Variants in CREB3L3 observed in about 807,000 individuals in gnomAD.
CREB3L3 encodes the protein cyclic AMP-responsive element-binding protein 3-like protein 3.
Under a neutral mutation model 44.6 loss-of-function variants are expected in CREB3L3, and 40 were observed. That is an observed-to-expected ratio of 0.90 (90% CI 0.70 to 1.17). The LOEUF (loss-of-function observed/expected upper bound fraction) is 1.17, where lower values mean the gene tolerates loss of function less well. CREB3L3 is among the 50% of genes most tolerant of loss of function. The pLI is 0.00. For missense variants in CREB3L3, 578 were observed against 595.8 expected (o/e 0.97, Z 0.31); for synonymous variants, 273 against 256.3 (o/e 1.06, Z -0.62).
chr19:4,169,279 C>A (rs1381033524), intron 6 of CREB3L3, among the ~76,000 whole-genome samples: 3 of 151,720 alleles, frequency 2.0e-5, no homozygotes, highest in African/African-American at 7.3e-5. Flanking sequence ...ATCACGAGTT[C>A]AGGAGATCGA....
chr19:4,170,037 T>C (rs1376584748), intron 6 of CREB3L3, 103 bp from the exon 7 acceptor site: 2 of 1,116,014 alleles, frequency 1.8e-6, no homozygotes, highest in Non-Finnish European at 2.7e-6. Context: ...CTCTCTGGCC[T>C]TGGGTTCTCT....
rs1967080448 is a variant in CREB3L3, at chr19:4,172,589, A to G, written c.*620A>G. ...GAAACAGACCTAGACAGACAGACAC[A>G]GATTGAAACAGACCCAGACAAACAG... is the stretch of plus-strand genomic sequence containing the variant. On this transcript the variant is annotated 3_prime_UTR_variant, in exon 10 of 10. Coordinates refer to ENST00000078445, the MANE Select transcript of CREB3L3 (RefSeq NM_032607.3). 1 of 244,702 alleles carries G rather than the reference A, an allele frequency of 4.1e-6. No homozygotes were observed. Among genetic ancestry groups the G allele is most frequent in the Non-Finnish European group, 8.0e-6 (1 of 124,518 alleles). The allele number at this position is 244,702 out of a possible 1,614,324, so 15.2% of individuals were successfully genotyped here. A position where few individuals can be genotyped will look rare whatever the true frequency, so the allele number is the denominator to read the frequency against.
intron 1 of CREB3L3, 80 bp downstream of exon 1, chr19:4,153,854 C>T: frequency 6.9e-7 from 1 of 1,446,620 alleles, no homozygotes; most frequent in South Asian, 1.2e-5. Context: ...TGGAAGGACC[C>T]CATCTCCACC....
chr19:4,161,540 T>C (rs2041662865), intron 4 of CREB3L3, among the ~76,000 whole-genome samples: 1 of 152,148 alleles, frequency 6.6e-6, no homozygotes, highest in South Asian at 2.1e-4. Context: ...ATGGTGCCCA[T>C]TGCACACCAA....
At chr19:4,157,849 C>G (rs1383149028) in intron 3 of CREB3L3, among the ~76,000 whole-genome samples, 2 of 151,910 alleles carry the variant, frequency 1.3e-5, no homozygotes, top group East Asian at 3.9e-4. Context: ...CCATGCCCAG[C>G]TAATATTTAT....
At chr19:4,153,894 C>A in intron 1 of CREB3L3, 120 bp downstream of exon 1, 1 of 1,195,760 alleles carries the variant, frequency 8.4e-7, no homozygotes, top group Non-Finnish European at 1.2e-6. Context: ...GACTGAGGCC[C>A]AGAGAAAGGA....
chr19:4,162,444 T>A (rs926096857), intron 4 of CREB3L3, among the ~76,000 whole-genome samples: 2 of 146,758 alleles, frequency 1.4e-5, no homozygotes, highest in African/African-American at 5.0e-5. Context: ...CAAAAAAAAA[T>A]GATGCATTTA....
intron 5 of CREB3L3, 31 bp downstream of exon 5, chr19:4,164,671 C>A (rs369538607): frequency 2.5e-6 from 4 of 1,613,106 alleles, no homozygotes; most frequent in African/African-American, 2.7e-5. Flanking sequence ...AGCCCTGGAT[C>A]CATCTCCCCT....
intron 2 of CREB3L3, among the ~76,000 whole-genome samples, chr19:4,156,095 C>A (rs148799754): frequency 1.7e-4 from 3 of 17,984 alleles, no homozygotes; most frequent in Non-Finnish European, 2.9e-4. Context: ...CTCTCTCTCT[C>A]TCTCTCTCTC....
chr19:4,162,673 C>T (rs529493594), intron 4 of CREB3L3, among the ~76,000 whole-genome samples: 1 of 151,566 alleles, frequency 6.6e-6, no homozygotes, highest in Non-Finnish European at 1.5e-5. Context: ...GACACAGTGA[C>T]ATCTTGCATC....
At chr19:4,167,460 A>G (rs1966937802) in intron 5 of CREB3L3, among the ~76,000 whole-genome samples, 1 of 142,176 alleles carries the variant, frequency 7.0e-6, no homozygotes, top group Non-Finnish European at 1.5e-5. Context: ...GAAGAAAAGA[A>G]GGAAAGAAAG....
chr19:4,167,482 AAGAAAGAGAGAAAGAGAAAG>A (rs1416411065), intron 5 of CREB3L3, among the ~76,000 whole-genome samples: 1 of 139,148 alleles, frequency 7.2e-6, no homozygotes, highest in African/African-American at 2.6e-5. Context: ...AAGAAAAGGA[AAGAAAGAGAGAAAGAGAAAG>A]AGAAAGAGAG....
rs1490622519 is a variant in CREB3L3 at position 4,171,881 on chromosome 19, G to A, written c.1298G>A (p.Gly433Asp). 6.2e-7 allele frequency: 1 copy of A among 1,613,030 alleles called. No individual in the cohort carries two copies. Among genetic ancestry groups the A allele is most frequent in the African/African-American group, 1.3e-5 (1 of 74,936 alleles). ...CTGAGGAATGCAACAGAGGGGCTGGGCCAGGTCGCCCTGCTGGACTGGGTG... is the reference window on the plus strand; with the variant it reads ...CTGAGGAATGCAACAGAGGGGCTGGACCAGGTCGCCCTGCTGGACTGGGTG... Reference protein sequence around the residue: ...LVLRNATEGLGQVALLDWVAP... With the variant: ...LVLRNATEGLDQVALLDWVAP... Residue 433 changes from glycine to aspartate, a missense_variant, in exon 10 of 10, where the codon GGC (glycine) becomes GAC (aspartate). Coordinates refer to ENST00000078445, the MANE Select transcript of CREB3L3 (RefSeq NM_032607.3). This position sits in a 1 kb window ranked among gnomAD's most constrained non-coding sequence, Gnocchi z 4.9.
At chr19:4,167,763 A>T (rs1966949778) in intron 5 of CREB3L3, among the ~76,000 whole-genome samples, 1 of 151,978 alleles carries the variant, frequency 6.6e-6, no homozygotes. Flanking sequence ...CTCAGAACCC[A>T]GGCACCTCCC....
At chr19:4,164,399 C>T in intron 4 of CREB3L3, 104 bp from the exon 5 acceptor site, 3 of 1,455,406 alleles carry the variant, frequency 2.1e-6, no homozygotes, top group Non-Finnish European at 2.9e-6. Flanking sequence ...TGAGCCACCA[C>T]ACCCAGCCTG....
At position 4,169,129 on chromosome 19, in the gene CREB3L3, A is replaced by G. The variant is rs1966987246; in HGVS notation, c.821+672A>G. 1.3e-5 allele frequency among the ~76,000 whole-genome samples: 2 copies of G among 152,024 alleles called. 1 individual carries two copies. The highest frequency in any genetic ancestry group is 1.3e-4 in the Admixed American group (2 of 15,244). ...CCTATGTCCTGGGTAATTGTATCCC[A>G]TTTTACAGACACAAAAGCTGAGATC... On this transcript the variant is annotated intron_variant, in intron 6 of 9. Transcript: ENST00000078445.
chr19:4,171,633 T>C lies in CREB3L3; in HGVS notation c.1073-23T>C. 4.3e-6 allele frequency: 7 copies of C among 1,612,992 alleles called. No individual in the cohort carries two copies. Among genetic ancestry groups the C allele is most frequent in the Non-Finnish European group, 5.9e-6 (7 of 1,179,584 alleles). ...GACCCCACCTCCACCTTGTCCCCTG[T>C]GATGCCCCCCTTCCCCAATCAGTGT... On this transcript the variant is annotated intron_variant, in intron 9 of 9. Coordinates refer to ENST00000078445, the MANE Select transcript of CREB3L3 (RefSeq NM_032607.3). This position sits in a 1 kb window ranked among gnomAD's most constrained non-coding sequence, Gnocchi z 4.9.
At chr19:4,168,644 G>T (rs1966976978) in intron 6 of CREB3L3, among the ~76,000 whole-genome samples, 187 bp downstream of exon 6, 1 of 152,116 alleles carries the variant, frequency 6.6e-6, no homozygotes, top group South Asian at 2.1e-4. Flanking sequence ...TAGGACAAGG[G>T]TTTGGGGGAC....
chr19:4,164,033 G>A (rs540916260), intron 4 of CREB3L3, among the ~76,000 whole-genome samples: 2 of 148,834 alleles, frequency 1.3e-5, no homozygotes, highest in East Asian at 4.0e-4. Context: ...GAGTGCAGTG[G>A]CACAATCTCG....
Sources: allele counts gnomAD v4.1 joint callset (sites outside exome capture counted in the v4.1 genomes callset), GRCh38; gene constraint gnomAD v4.1.1; non-coding constraint Gnocchi (gnomAD v3.1); transcripts MANE v1.5; gene names NCBI Gene and HGNC (gene_info 2026-07-23, HGNC 2026-07-21).